The following KIAA0319L variants were observed in gnomAD, a reference collection of about 807,000 sequenced individuals.
The protein encoded by KIAA0319L is dyslexia-associated protein KIAA0319-like protein.
KIAA0319L carries 55 observed loss-of-function variants against 120.1 expected under a neutral mutation model. The observed-to-expected ratio is 0.46, with a 90% CI of 0.37 to 0.57. The LOEUF (loss-of-function observed/expected upper bound fraction) is 0.57, where lower values mean the gene tolerates loss of function less well. Ranked by LOEUF, KIAA0319L falls within the 20% of genes least tolerant of loss-of-function variation. The probability of loss-of-function intolerance (pLI) is 0.00; values close to 1 mark genes in which losing one functional copy is unlikely to be tolerated. For synonymous variants in KIAA0319L, 398 were observed against 471.9 expected (o/e 0.84, Z 2.03); for missense variants, 1,049 against 1,255.3 (o/e 0.84, Z 2.48).
At chr1:35,530,879 T>G (rs1646340283) in intron 2 of KIAA0319L, among the ~76,000 whole-genome samples, 1 of 152,156 alleles carries the variant, frequency 6.6e-6, no homozygotes, top group African/African-American at 2.4e-5. Context: ...GTGGCATCTG[T>G]GATTTTCTCA....
intron 6 of KIAA0319L, among the ~76,000 whole-genome samples, chr1:35,466,964 C>T (rs1011632683): frequency 2.6e-5 from 4 of 152,032 alleles, no homozygotes; most frequent in Admixed American, 2.0e-4. Context: ...TGGTGGCACA[C>T]ACCTGTAGTC....
intron 15 of KIAA0319L, among the ~76,000 whole-genome samples, chr1:35,449,132 GA>G (rs1323502696): frequency 3.3e-5 from 5 of 152,124 alleles, no homozygotes; most frequent in African/African-American, 1.2e-4. Flanking sequence ...GTCCTTCCTA[GA>G]GGCAGGACAA....
chr1:35,515,274 T>C (rs1287612042), intron 2 of KIAA0319L, among the ~76,000 whole-genome samples: 1 of 148,116 alleles, frequency 6.8e-6, no homozygotes, highest in Non-Finnish European at 1.5e-5. Flanking sequence ...ATCGTGCCAT[T>C]GCACTCCAGC....
intron 3 of KIAA0319L, among the ~76,000 whole-genome samples, chr1:35,493,640 C>T (rs900741432): frequency 2.6e-5 from 4 of 151,878 alleles, no homozygotes; most frequent in Admixed American, 2.6e-4. Context: ...ATCGCTTAAA[C>T]TCAGGAGTTG....
chr1:35,461,622 T>C (rs1039067240), intron 8 of KIAA0319L, among the ~76,000 whole-genome samples: 2 of 152,228 alleles, frequency 1.3e-5, no homozygotes, highest in Non-Finnish European at 2.9e-5. Context: ...CATAAAATAA[T>C]AACACCATTG....
chr1:35,536,251 T>C (rs1034455779), intron 2 of KIAA0319L, among the ~76,000 whole-genome samples: 1 of 152,174 alleles, frequency 6.6e-6, no homozygotes, highest in Non-Finnish European at 1.5e-5. Context: ...AACTGAATAA[T>C]ATAACCAGCT....
chr1:35,507,049 C>T lies in KIAA0319L; in HGVS notation c.229G>A (p.Glu77Lys), dbSNP rs759117879. The T allele has an allele frequency of 3.1e-6, 5 of 1,598,070 alleles. No individual in the cohort carries two copies. The Middle Eastern group carries it at 8.4e-4, about 269-fold the overall frequency. Residue 77 changes from glutamate to lysine, a missense_variant, in exon 3 of 21, where the codon GAA (glutamate) becomes AAA (lysine). Coordinates refer to ENST00000325722, the MANE Select transcript of KIAA0319L (RefSeq NM_024874.5). The part of the protein sequence containing the change: ...SGGENHLWLL[E>K]GTPSLQSCWA... ...CATGACTGGAGAGAGGGGGTTCCTT[C>T]AAGAAGCCAGAGGTGATTTTCTCCC...
At chr1:35,510,374 CCTTTCTT>C (rs1558533754) in intron 2 of KIAA0319L, 1 of 151,012 alleles carries the variant, frequency 6.6e-6, no homozygotes, top group East Asian at 2.0e-4. Flanking sequence ...AAAAAACAGC[CCTTTCTT>C]TTTTTTTTTT....
Position 35,513,288 on chromosome 1 carries a change from A to ATATATAT in KIAA0319L, c.143-6154_143-6153insATATATA, listed in dbSNP as rs1414704674. Among the ~76,000 whole-genome samples the ATATATAT allele has an allele frequency of 1.3e-4, 11 of 85,302 alleles. No individual in the cohort carries two copies. In the South Asian group the frequency reaches 1.3e-3, roughly 10 times the overall value. 56.0% of individuals were successfully genotyped at this position (85,302 alleles called of 152,430 possible). The stretch of plus-strand genomic sequence containing the variant: ...ATAACATATATATATATATATATAT[A>ATATATAT]TTTTTTTTTTTTTTTTTTTCTGTCC... On this transcript the variant is annotated intron_variant, in intron 2 of 20. Transcript: ENST00000325722.
At position 35,479,354 on chromosome 1, in the gene KIAA0319L, C is replaced by T. The variant is rs1487552269; in HGVS notation, c.667-142G>A. ...TATTAAAGAAACTAATCTCACCACCCAAATAAAAGTGGTGTTAAATGTTGA... is the reference window on the plus strand; with the variant it reads ...TATTAAAGAAACTAATCTCACCACCTAAATAAAAGTGGTGTTAAATGTTGA... On this transcript the variant is annotated intron_variant, in intron 3 of 20. Transcript: ENST00000325722. 6.1e-6 allele frequency: 4 copies of T among 660,372 alleles called. No homozygotes were observed. In the East Asian group the frequency reaches 8.3e-5, roughly 14 times the overall value. 40.9% of individuals were successfully genotyped at this position (660,372 alleles called of 1,614,324 possible).
At chr1:35,458,707 CAA>C (rs1642671017) in intron 9 of KIAA0319L, among the ~76,000 whole-genome samples, 1 of 152,130 alleles carries the variant, frequency 6.6e-6, no homozygotes, top group Non-Finnish European at 1.5e-5. Flanking sequence ...ATACTGCCAG[CAA>C]AGAGCTCAGA....
At position 35,444,316 on chromosome 1, in the gene KIAA0319L, G is replaced by T; in HGVS notation, c.2514-13C>A. The T allele has an allele frequency of 6.3e-7, 1 of 1,596,108 alleles. No individual in the cohort carries two copies. Among genetic ancestry groups the T allele is most frequent in the Non-Finnish European group, 8.5e-7 (1 of 1,172,356 alleles). The stretch of plus-strand genomic sequence containing the variant: ...TACCATTTTGGTGCTGCAGAGACAT[G>T]CAACAGTACTAATGAGCTGAAGCGG... On this transcript the variant is annotated splice_polypyrimidine_tract_variant and intron_variant, in intron 16 of 20. Coordinates refer to ENST00000325722, the MANE Select transcript of KIAA0319L (RefSeq NM_024874.5).
chr1:35,550,824 C>G (rs1385653274), intron 2 of KIAA0319L, among the ~76,000 whole-genome samples: 1 of 152,060 alleles, frequency 6.6e-6, no homozygotes, highest in Non-Finnish European at 1.5e-5. Context: ...CATCTTAGCC[C>G]CCGAGTAGCT....
At chr1:35,513,287 T>A (rs1471775009) in intron 2 of KIAA0319L, among the ~76,000 whole-genome samples, 2 of 93,114 alleles carry the variant, frequency 2.1e-5, no homozygotes, top group Non-Finnish European at 4.3e-5. Flanking sequence ...TATATATATA[T>A]ATTTTTTTTT....
chr1:35,556,731 T>C (rs1252806963), intron 1 of KIAA0319L: 1 of 152,276 alleles, frequency 6.6e-6, no homozygotes. Flanking sequence ...TTCACCTTTG[T>C]GCTCACTGCA....
intron 7 of KIAA0319L, among the ~76,000 whole-genome samples, chr1:35,464,284 A>G (rs990996475): frequency 1.3e-5 from 2 of 152,194 alleles, no homozygotes; most frequent in African/African-American, 4.8e-5. Context: ...CCAAAATGCT[A>G]ATAGCAATAT....
In KIAA0319L at chr1:35,461,868, C is replaced by T. The variant is rs188211092; in HGVS notation, c.1294+753G>A. 2.3e-4 allele frequency among the ~76,000 whole-genome samples: 35 copies of T among 152,204 alleles called. No homozygotes were observed. In the East Asian group the frequency reaches 5.0e-3, roughly 22 times the overall value. ...TCTTGCCAGCACCATCAACATCAAACGCTTAACCTTGTTAGAGGGTCCTCT... is the reference window on the plus strand; with the variant it reads ...TCTTGCCAGCACCATCAACATCAAATGCTTAACCTTGTTAGAGGGTCCTCT... On this transcript the variant is annotated intron_variant, in intron 8 of 20. Coordinates refer to ENST00000325722, the MANE Select transcript of KIAA0319L (RefSeq NM_024874.5).
At chr1:35,449,829 C>T (rs1641918379) in intron 15 of KIAA0319L, 38 bp downstream of exon 15, 1 of 1,609,338 alleles carries the variant, frequency 6.2e-7, no homozygotes, top group Non-Finnish European at 8.5e-7. Context: ...TTGGCTGATT[C>T]AGCAATTCTA....
At chr1:35,544,349 AC>A (rs1374313160) in intron 2 of KIAA0319L, among the ~76,000 whole-genome samples, 1 of 149,572 alleles carries the variant, frequency 6.7e-6, no homozygotes, top group Non-Finnish European at 1.5e-5. Context: ...AGCCTAGGTG[AC>A]AGACTGAGAC....
Sources: gnomAD v4.1 joint callset for allele counts (sites outside exome capture counted in the v4.1 genomes callset) on GRCh38, gnomAD v4.1.1 for gene constraint, MANE v1.5 for transcripts, NCBI Gene and HGNC (gene_info 2026-07-23, HGNC 2026-07-21) for gene names.